RNF217: variants seen among roughly 807,000 people sequenced by gnomAD.
The protein encoded by RNF217 is E3 ubiquitin-protein ligase RNF217.
In RNF217, 31 loss-of-function variants were observed where a neutral mutation model predicts 57.8. That is an observed-to-expected ratio of 0.54 (90% CI 0.40 to 0.72). RNF217 has a LOEUF of 0.72. Among genes scored for constraint, RNF217 ranks in the 30% least tolerant of loss-of-function variants. RNF217 has a pLI of 0.00. For synonymous variants in RNF217, 313 were observed against 294.0 expected, an observed-to-expected ratio of 1.06 and a Z score of -0.66; for missense variants, 696 against 708.3, an observed-to-expected ratio of 0.98 and a Z score of 0.20.
At chr6:125,055,427 G>A (rs1461752046) in intron 2 of RNF217, among the ~76,000 whole-genome samples, 1 of 152,128 alleles carries the variant, frequency 6.6e-6, no homozygotes, top group African/African-American at 2.4e-5. Context: ...TGATGCCTTA[G>A]GAGAATCATG....
intron 1 of RNF217, among the ~76,000 whole-genome samples, chr6:124,964,296 T>G (rs1247368625): frequency 1.3e-5 from 2 of 152,166 alleles, no homozygotes; most frequent in African/African-American, 4.8e-5. Flanking sequence ...ACCCTGTGTG[T>G]TCAGGTGCCA....
At chr6:124,976,231 G>A (rs551449897) in intron 1 of RNF217, among the ~76,000 whole-genome samples, 51 of 151,904 alleles carry the variant, frequency 3.4e-4, no homozygotes, top group African/African-American at 9.9e-4. Flanking sequence ...TATTACCGGC[G>A]TAGTTTCTTC....
Position 125,084,385 on chromosome 6 carries a change from A to G in RNF217, c.*1448A>G, listed in dbSNP as rs1301974855. The stretch of plus-strand genomic sequence containing the variant: ...ACTATGATATGCCTTTGCTTTCATC[A>G]CAAAAGTTCATCAGCAAACAGGAAA... On this transcript the variant is annotated 3_prime_UTR_variant, in exon 6 of 6. Coordinates refer to ENST00000521654, the MANE Select transcript of RNF217 (RefSeq NM_001286398.3). 6.6e-6 allele frequency: 1 copy of G among 151,946 alleles called. No homozygotes were observed. The highest frequency in any genetic ancestry group is 2.4e-5 in the African/African-American group (1 of 41,418). 9.4% of individuals were successfully genotyped at this position (151,946 alleles called of 1,614,324 possible).
chr6:125,040,079 A>C (rs1438213410), intron 1 of RNF217, among the ~76,000 whole-genome samples: 1 of 152,172 alleles, frequency 6.6e-6, no homozygotes, highest in Non-Finnish European at 1.5e-5. Context: ...GAAGACAAAA[A>C]ATAACTAAGA....
chr6:125,002,769 A>G (rs898869892), intron 1 of RNF217, among the ~76,000 whole-genome samples: 4 of 152,022 alleles, frequency 2.6e-5, no homozygotes, highest in African/African-American at 9.7e-5. Flanking sequence ...TCCCCATTAC[A>G]TTATTTTTGT....
intron 1 of RNF217, among the ~76,000 whole-genome samples, chr6:124,972,135 T>G (rs1783787642): frequency 6.6e-6 from 1 of 152,238 alleles, no homozygotes; most frequent in Non-Finnish European, 1.5e-5. Flanking sequence ...GCTTCTTTTT[T>G]GAGATTCCCT....
chr6:124,979,957 T>C (rs544286094), intron 1 of RNF217, among the ~76,000 whole-genome samples: 3 of 152,308 alleles, frequency 2.0e-5, no homozygotes, highest in South Asian at 4.1e-4. Context: ...TAAAAAGTGT[T>C]GGAAGTGCAT....
chr6:124,977,316 C>T (rs929222241), intron 1 of RNF217, among the ~76,000 whole-genome samples: 3 of 152,174 alleles, frequency 2.0e-5, no homozygotes, highest in African/African-American at 7.2e-5. Context: ...ACAGTGCATA[C>T]TTGTGCATCT....
intron 1 of RNF217, among the ~76,000 whole-genome samples, chr6:125,002,270 T>C (rs1007108513): frequency 1.3e-5 from 2 of 152,148 alleles, no homozygotes; most frequent in East Asian, 1.9e-4. Context: ...GCTGCCACTT[T>C]CCAGGCACCG....
intron 1 of RNF217, 106 bp downstream of exon 1, chr6:124,963,532 C>A: frequency 7.8e-7 from 1 of 1,283,158 alleles, no homozygotes; most frequent in Non-Finnish European, 1.0e-6. Flanking sequence ...GACCGACACA[C>A]TTACTGAGGA....
rs1228227689 is a variant in RNF217, at chr6:125,086,919, A to AC, written c.*3985dup. On this transcript the variant is annotated 3_prime_UTR_variant, in exon 6 of 6. Transcript: ENST00000521654. ...TGAGCCTTTATCTTTCAACCTTACC[A>AC]CCCAAGTATATGACCAACTGTTCTC... The AC allele has an allele frequency of 1.3e-5, 2 of 151,974 alleles. No homozygotes were observed. The highest frequency in any genetic ancestry group is 2.9e-5 in the Non-Finnish European group (2 of 67,970). The allele number at this position is 151,974 out of a possible 1,614,324, so 9.4% of individuals were successfully genotyped here. A position where few individuals can be genotyped will look rare whatever the true frequency, so the allele number is the denominator to read the frequency against.
At chr6:125,058,252 T>C (rs1224985886) in intron 3 of RNF217, 146 bp downstream of exon 3, 3 of 701,020 alleles carry the variant, frequency 4.3e-6, no homozygotes, top group Non-Finnish European at 6.1e-6. Flanking sequence ...AAAGTAATTA[T>C]ATAATTAAAC....
chr6:125,080,851 C>T (rs1788548561), intron 4 of RNF217, among the ~76,000 whole-genome samples: 1 of 152,076 alleles, frequency 6.6e-6, no homozygotes, highest in Non-Finnish European at 1.5e-5. Context: ...ACTTGAGTAA[C>T]TTTCAACGTA....
chr6:125,046,852 A>G (rs563164996), intron 2 of RNF217, among the ~76,000 whole-genome samples: 2 of 151,858 alleles, frequency 1.3e-5, no homozygotes, highest in African/African-American at 2.4e-5. Context: ...TAGTTAATTT[A>G]TTTACTGTTT....
intron 1 of RNF217, among the ~76,000 whole-genome samples, chr6:125,021,389 C>G (rs1344449823): frequency 1.3e-5 from 2 of 151,872 alleles, no homozygotes; most frequent in Non-Finnish European, 2.9e-5. Flanking sequence ...CCTCAGCCTC[C>G]CAAGTAGCTG....
intron 1 of RNF217, among the ~76,000 whole-genome samples, chr6:124,965,407 C>G (rs1003708148): frequency 6.6e-6 from 1 of 152,030 alleles, no homozygotes; most frequent in African/African-American, 2.4e-5. Flanking sequence ...AACCCCGTCT[C>G]TACTAAAAAT....
intron 1 of RNF217, among the ~76,000 whole-genome samples, chr6:125,022,861 A>T (rs1785898739): frequency 1.3e-5 from 2 of 151,990 alleles, no homozygotes; most frequent in South Asian, 4.1e-4. Flanking sequence ...CTTGACCTTG[A>T]GTTTTCTGTA....
chr6:125,079,365 A>G (rs1056269471), intron 4 of RNF217, among the ~76,000 whole-genome samples: 1 of 152,094 alleles, frequency 6.6e-6, no homozygotes, highest in African/African-American at 2.4e-5. Context: ...ATAGGTCTTC[A>G]ATTGATTTCT....
intron 2 of RNF217, among the ~76,000 whole-genome samples, chr6:125,056,678 C>T (rs1211744029): frequency 6.6e-6 from 1 of 152,092 alleles, no homozygotes; most frequent in African/African-American, 2.4e-5. Context: ...AAAATGTAGT[C>T]AGTGAATTCA....
Sources: gnomAD v4.1 joint callset for allele counts (sites outside exome capture counted in the v4.1 genomes callset) on GRCh38, gnomAD v4.1.1 for gene constraint, MANE v1.5 for transcripts, NCBI Gene and HGNC (gene_info 2026-07-23, HGNC 2026-07-21) for gene names.